SOS2: variants seen among roughly 807,000 people sequenced by gnomAD.
SOS2 encodes son of sevenless homolog 2.
A neutral mutation model predicts 148.2 loss-of-function variants in SOS2; 65 were observed. The ratio of observed to expected loss-of-function variants is 0.44; its 90% CI spans 0.36 to 0.54. The LOEUF is 0.54. Among genes scored for constraint, SOS2 ranks in the 20% least tolerant of loss-of-function variants. SOS2 has a pLI of 0.00. For missense variants in SOS2, 1,341 were observed against 1,590.2 expected, an observed-to-expected ratio of 0.84 and a Z score of 2.67; for synonymous variants, 539 against 537.1, an observed-to-expected ratio of 1.00 and a Z score of -0.05.
chr14:50,223,950 C>T (rs1887275568), intron 1 of SOS2, among the ~76,000 whole-genome samples: 1 of 151,948 alleles, frequency 6.6e-6, no homozygotes, highest in Non-Finnish European at 1.5e-5. Context: ...AGCAATGAGG[C>T]AGGATGGCAT....
At chr14:50,139,800 G>A in intron 17 of SOS2, 142 bp downstream of exon 17, 1 of 486,432 alleles carries the variant, frequency 2.1e-6, no homozygotes, top group East Asian at 3.1e-5. Context: ...AGAAAATAGA[G>A]AGTTTTATTA....
rs753590435 is a variant in SOS2, at chr14:50,133,242, C to CTTTTTTTTTTTTTTTTTTTT, written c.3075+880_3075+881insAAAAAAAAAAAAAAAAAAAA. ...TTTCCATGAACTTTTTTTCTTTTTTCTTTTTTCTTTTTTTTTTTTTTTGAG... is the reference window on the plus strand; with the variant it reads ...TTTCCATGAACTTTTTTTCTTTTTTCTTTTTTTTTTTTTTTTTTTTTTTTTTCTTTTTTTTTTTTTTTGAG... On this transcript the variant is annotated intron_variant, in intron 19 of 22. Coordinates refer to ENST00000216373, the MANE Select transcript of SOS2 (RefSeq NM_006939.4). Among the ~76,000 whole-genome samples the CTTTTTTTTTTTTTTTTTTTT allele has an allele frequency of 1.4e-3, 110 of 78,786 alleles. 10 individuals are homozygous for CTTTTTTTTTTTTTTTTTTTT. Among genetic ancestry groups the CTTTTTTTTTTTTTTTTTTTT allele is most frequent in the Admixed American group, 1.6e-3 (8 of 5,046 alleles). 51.7% of individuals were successfully genotyped at this position (78,786 alleles called of 152,430 possible).
intron 1 of SOS2, among the ~76,000 whole-genome samples, chr14:50,230,586 C>T (rs527269989): frequency 1.3e-5 from 2 of 152,136 alleles, no homozygotes; most frequent in Non-Finnish European, 2.9e-5. Context: ...CGTGAAGACA[C>T]TGAAGACACT....
chr14:50,216,379 G>A (rs1265810647), intron 1 of SOS2, among the ~76,000 whole-genome samples: 1 of 151,924 alleles, frequency 6.6e-6, no homozygotes, highest in Non-Finnish European at 1.5e-5. Flanking sequence ...TTATGGACGT[G>A]AGCCACGACA....
rs559400066 is a variant in SOS2, at chr14:50,136,385, C to T, written c.2959-2146G>A. ...GAACCCTAGACCACACCACAAACACCAATTAGCAGGTATGGTTCTGAGATA... is the reference window on the plus strand; with the variant it reads ...GAACCCTAGACCACACCACAAACACTAATTAGCAGGTATGGTTCTGAGATA... On this transcript the variant is annotated intron_variant, in intron 18 of 22. Coordinates refer to ENST00000216373, the MANE Select transcript of SOS2 (RefSeq NM_006939.4). 1.5e-4 allele frequency among the ~76,000 whole-genome samples: 23 copies of T among 152,196 alleles called. No individual in the cohort carries two copies. The South Asian group carries it at 4.8e-3, about 32-fold the overall frequency.
At chr14:50,172,410 T>C (rs922933932) in intron 8 of SOS2, among the ~76,000 whole-genome samples, 14 of 121,960 alleles carry the variant, frequency 1.1e-4, no homozygotes, top group Non-Finnish European at 2.4e-4. Context: ...AGTTTCTCTT[T>C]ATTCATTCCT....
intron 21 of SOS2, among the ~76,000 whole-genome samples, chr14:50,124,596 G>C (rs1030779791): frequency 4.6e-5 from 7 of 152,140 alleles, no homozygotes; most frequent in Admixed American, 3.9e-4. Flanking sequence ...ATGGGGATAA[G>C]TAATGTGCCT....
intron 1 of SOS2, among the ~76,000 whole-genome samples, chr14:50,225,694 T>G (rs917029739): frequency 3.9e-5 from 6 of 152,220 alleles, no homozygotes; most frequent in African/African-American, 1.4e-4. Context: ...CTTTAGGAAT[T>G]CCAGAACAGG....
chr14:50,118,574 T>C lies in SOS2; in HGVS notation c.3769A>G (p.Asn1257Asp), dbSNP rs150393358. ...DWLRDISTCP[N>D]SPSTPPSTPS... ...GTGCTAGGAGGAGTGCTTGGCGAAT[T>C]TGGACACGTACTAATGTCTCTGAGC... Residue 1257 changes from asparagine (N) to aspartate (D), a missense_variant, in exon 23 of 23, where the codon AAT (asparagine) becomes GAT (aspartate). Asn to Asp is a conservative substitution (Grantham distance 23). This residue lies in a region of SOS2 where 354 missense variants were observed against 347.7 expected (regional missense o/e 1.02). Coordinates refer to ENST00000216373, the MANE Select transcript of SOS2 (RefSeq NM_006939.4). 356 of 1,613,976 alleles carry C rather than the reference T, an allele frequency of 2.2e-4. No individual in the cohort carries two copies. Among genetic ancestry groups the C allele is most frequent in the Non-Finnish European group, 2.8e-4 (329 of 1,180,036 alleles).
chr14:50,126,221 AT>A (rs971476436), intron 21 of SOS2, among the ~76,000 whole-genome samples: 2 of 152,000 alleles, frequency 1.3e-5, no homozygotes, highest in African/African-American at 4.8e-5. Context: ...AACAAAACAA[AT>A]TTTTTTTCAA....
At chr14:50,214,373 T>C (rs559160120) in intron 1 of SOS2, among the ~76,000 whole-genome samples, 7 of 152,220 alleles carry the variant, frequency 4.6e-5, no homozygotes, top group East Asian at 1.9e-4. Context: ...TTCTAACATA[T>C]TTTCTAATAA....
chr14:50,203,060 G>A (rs927297817), intron 2 of SOS2, among the ~76,000 whole-genome samples: 1 of 152,050 alleles, frequency 6.6e-6, no homozygotes, highest in Non-Finnish European at 1.5e-5. Context: ...TCGGGAGGCT[G>A]AGGCTGGAGG....
chr14:50,140,908 TA>T (rs1566823906), intron 16 of SOS2, among the ~76,000 whole-genome samples: 1 of 151,814 alleles, frequency 6.6e-6, no homozygotes, highest in African/African-American at 2.4e-5. Flanking sequence ...AATCAGGATT[TA>T]AAAAAAATTC....
At chr14:50,152,992 T>C in intron 13 of SOS2, 78 bp downstream of exon 13, 1 of 688,744 alleles carries the variant, frequency 1.5e-6, no homozygotes, top group African/African-American at 1.8e-5. Flanking sequence ...AGAAATGTTT[T>C]AGTTTCTTAA....
At chr14:50,179,680 G>C (rs1002154910) in intron 7 of SOS2, among the ~76,000 whole-genome samples, 2 of 152,100 alleles carry the variant, frequency 1.3e-5, no homozygotes, top group Non-Finnish European at 2.9e-5. Context: ...AGTCAGTTTA[G>C]ATGTAGAAGT....
At chr14:50,198,626 G>A (rs1886387676) in intron 4 of SOS2, among the ~76,000 whole-genome samples, 1 of 152,186 alleles carries the variant, frequency 6.6e-6, no homozygotes, top group Non-Finnish European at 1.5e-5. Context: ...AGTCAAGGCT[G>A]AGAACCACCA....
At chr14:50,160,379 CTTTTTTTTTTTTTTTTTT>C (rs200021758) in intron 9 of SOS2, among the ~76,000 whole-genome samples, 3 of 78,850 alleles carry the variant, frequency 3.8e-5, no homozygotes, top group African/African-American at 5.0e-5. Context: ...CAATGCTAAT[CTTTTTTTTTTTTTTTTTT>C]TTTTTTTTTT....
chr14:50,176,648 G>A (rs1249272439), intron 7 of SOS2, among the ~76,000 whole-genome samples: 1 of 152,198 alleles, frequency 6.6e-6, no homozygotes, highest in Non-Finnish European at 1.5e-5. Flanking sequence ...TATATATTAT[G>A]ATGATCACCA....
intron 1 of SOS2, among the ~76,000 whole-genome samples, chr14:50,206,778 T>G (rs1475336733): frequency 1.3e-5 from 2 of 152,214 alleles, no homozygotes; most frequent in East Asian, 3.8e-4. Context: ...AATAATCACG[T>G]CGTCAGAAAA....
Sources: gnomAD v4.1 joint callset for allele counts (sites outside exome capture counted in the v4.1 genomes callset) on GRCh38, gnomAD v4.1.1 for gene constraint, gnomAD v4.1.1 regional missense constraint, MANE v1.5 for transcripts, NCBI Gene and HGNC (gene_info 2026-07-23, HGNC 2026-07-21) for gene names.